Variants in TTLL5 observed in about 807,000 individuals in gnomAD.
TTLL5 encodes the protein tubulin tyrosine ligase like 5, also known as tubulin polyglutamylase TTLL5.
In TTLL5, 132 loss-of-function variants were observed where a neutral mutation model predicts 168.4. The observed-to-expected ratio is 0.78, with a 90% CI of 0.68 to 0.91. TTLL5 has a LOEUF of 0.91. Among genes scored for constraint, TTLL5 ranks in the 40% least tolerant of loss-of-function variants. The pLI is 0.00. For missense variants in TTLL5, 1,545 were observed against 1,581.5 expected, an observed-to-expected ratio of 0.98 and a Z score of 0.39; for synonymous variants, 546 against 558.6, an observed-to-expected ratio of 0.98 and a Z score of 0.32.
intron 28 of TTLL5, among the ~76,000 whole-genome samples, chr14:75,844,084 T>G (rs1387557817): frequency 6.6e-6 from 1 of 151,870 alleles, no homozygotes; most frequent in Non-Finnish European, 1.5e-5. Context: ...GGTTTCACCA[T>G]ATTGGCCAGG....
Position 75,683,633 on chromosome 14 carries a change from A to T in TTLL5, c.348A>T (p.Ala116=). ...TCTTACTGCGCACCCTCTCTGAAGC[A>T]CAAAAAGTTAATCACTTTCCCAGGT... ...KPFLLRTLSE[A]QKVNHFPRSY... Residue 116 remains alanine, a synonymous_variant, in exon 5 of 32, where the codon GCA becomes GCT. Transcript: ENST00000298832. The T allele has an allele frequency of 6.2e-7, 1 of 1,614,016 alleles. No homozygotes were observed. The highest frequency in any genetic ancestry group is 1.3e-5 in the African/African-American group (1 of 75,050).
At position 75,792,975 on chromosome 14, in the gene TTLL5, G is replaced by A; in HGVS notation, c.3046G>A (p.Asp1016Asn). The A allele has an allele frequency of 6.2e-7, 1 of 1,613,222 alleles. No homozygotes were observed. The highest frequency in any genetic ancestry group is 1.1e-5 in the South Asian group (1 of 90,902). ...GIAKTQKEGE[D>N]ASLYSKRYNQ... ...AGCCAAAACACAAAAAGAGGGAGAA[G>A]ATGCTTCTTTATATAGCAAACGGTA... Residue 1016 changes from aspartate (D) to asparagine (N), a missense_variant, in exon 27 of 32, where the codon GAT becomes AAT. Physicochemically the swap from Asp to Asn is conservative, Grantham distance 23 (BLOSUM62 1). Transcript: ENST00000298832.
chr14:75,719,939 T>C, intron 11 of TTLL5, 113 bp downstream of exon 11: 1 of 1,134,462 alleles, frequency 8.8e-7, no homozygotes, highest in Non-Finnish European at 1.3e-6. Flanking sequence ...GACGGGATGA[T>C]TGTCCTTGGT....
At chr14:75,709,664 G>A (rs552524107) in intron 9 of TTLL5, 35 of 159,640 alleles carry the variant, frequency 2.2e-4, no homozygotes, top group Non-Finnish European at 3.8e-4. Flanking sequence ...GTGCTCTCAC[G>A]TTTTGAAGTA....
chr14:75,686,574 A>T (rs1885073752), intron 5 of TTLL5, among the ~76,000 whole-genome samples: 1 of 152,166 alleles, frequency 6.6e-6, no homozygotes, highest in African/African-American at 2.4e-5. Flanking sequence ...CATGTGTTTG[A>T]TTTTCCTGGA....
chr14:75,719,761 A>T lies in TTLL5; in HGVS notation c.869A>T (p.Tyr290Phe), dbSNP rs760341785. The T allele has an allele frequency of 2.4e-5, 38 of 1,612,110 alleles. No individual in the cohort carries two copies. The highest frequency in any genetic ancestry group is 1.0e-4 in the Admixed American group (6 of 59,540). Residue 290 changes from tyrosine (Y) to phenylalanine (F), a missense_variant, in exon 11 of 32, where the codon TAT (tyrosine) becomes TTT (phenylalanine). Coordinates refer to ENST00000298832, the MANE Select transcript of TTLL5 (RefSeq NM_015072.5). Reference protein sequence around the residue: ...VSCDDPEVEDYGNKWSMSAML... With the variant: ...VSCDDPEVEDFGNKWSMSAML... ...TGTGACGATCCAGAAGTGGAGGATT[A>T]TGGAAACAAATGGAGCATGAGTGCT... is the stretch of plus-strand genomic sequence containing the variant.
intron 30 of TTLL5, among the ~76,000 whole-genome samples, chr14:75,883,851 G>C (rs2031951120): frequency 6.6e-6 from 1 of 152,208 alleles, no homozygotes; most frequent in South Asian, 2.1e-4. Context: ...TAGGAAGGCT[G>C]CAGTTTGTGG....
At chr14:75,737,426 A>C (rs1206960860) in intron 15 of TTLL5, 2 of 728,598 alleles carry the variant, frequency 2.7e-6, no homozygotes, top group Non-Finnish European at 4.3e-6. Flanking sequence ...TAACCTTCCA[A>C]CCACAAAGTG....
chr14:75,714,209 C>T (rs1178708340), intron 9 of TTLL5, among the ~76,000 whole-genome samples: 4 of 152,104 alleles, frequency 2.6e-5, no homozygotes, highest in African/African-American at 9.7e-5. Context: ...GATACTAATT[C>T]TTGTCATTGC....
At chr14:75,869,044 GTGTGTGTGTGTGTGTGTGTT>G (rs2030788456) in intron 29 of TTLL5, among the ~76,000 whole-genome samples, 1 of 151,276 alleles carries the variant, frequency 6.6e-6, no homozygotes, top group African/African-American at 2.4e-5. Context: ...GTGTGTGTGT[GTGTGTGTGTGTGTGTGTGTT>G]TAAGTTCCAG....
intron 30 of TTLL5, among the ~76,000 whole-genome samples, chr14:75,899,977 A>G (rs1566651836): frequency 6.8e-6 from 1 of 147,048 alleles, no homozygotes; most frequent in Non-Finnish European, 1.5e-5. Flanking sequence ...ATACTTTGTG[A>G]AATTGAGACC....
intron 18 of TTLL5, among the ~76,000 whole-genome samples, chr14:75,754,522 T>C (rs902890196): frequency 9.2e-5 from 14 of 152,192 alleles, no homozygotes; most frequent in Non-Finnish European, 2.9e-5. Context: ...TACTTGAATT[T>C]CCCAGGAAGG....
intron 26 of TTLL5, among the ~76,000 whole-genome samples, chr14:75,791,220 C>T (rs1040572207): frequency 3.3e-5 from 5 of 151,772 alleles, no homozygotes; most frequent in East Asian, 3.9e-4. Flanking sequence ...CTTTTCTATA[C>T]GTGTGCCAGC....
In TTLL5 at chr14:75,866,310, C is replaced by T. The variant is rs192559953; in HGVS notation, c.3522+2448C>T. ...ATTCTCAGTATTCTGTATTTCTGTC[C>T]TGGGGTTACCCTTTAGATAGCAATG... is the stretch of plus-strand genomic sequence containing the variant. On this transcript the variant is annotated intron_variant, in intron 29 of 31. Coordinates refer to ENST00000298832, the MANE Select transcript of TTLL5 (RefSeq NM_015072.5). 1.5e-3 allele frequency among the ~76,000 whole-genome samples: 230 copies of T among 152,236 alleles called. 5 individuals are homozygous for T. Among genetic ancestry groups the T allele is most frequent in the African/African-American group, 5.1e-3 (213 of 41,560 alleles).
rs143148052 is a variant in TTLL5, at chr14:75,842,828, GATA to G, written c.3327-20833_3327-20831del. ...TGTAAACCCAGCGGCTTTTCAAAGT[GATA>G]ATAATCAAGGGCTGACAGCACAGGA... is the stretch of plus-strand genomic sequence containing the variant. On this transcript the variant is annotated intron_variant, in intron 28 of 31. Coordinates refer to ENST00000298832, the MANE Select transcript of TTLL5 (RefSeq NM_015072.5). Among the ~76,000 whole-genome samples, 1,280 of 152,282 alleles carry G rather than the reference GATA, an allele frequency of 8.4e-3. 18 individuals carry two copies. Among genetic ancestry groups the G allele is most frequent in the African/African-American group, 0.029 (1,206 of 41,554 alleles).
intron 29 of TTLL5, among the ~76,000 whole-genome samples, chr14:75,867,174 A>G (rs1050167272): frequency 2.6e-5 from 4 of 152,228 alleles, no homozygotes; most frequent in African/African-American, 9.6e-5. Flanking sequence ...AACAATATGT[A>G]AATGAATGAG....
intron 31 of TTLL5, among the ~76,000 whole-genome samples, chr14:75,921,419 A>G (rs2033820063): frequency 1.3e-5 from 2 of 152,184 alleles, no homozygotes; most frequent in African/African-American, 4.8e-5. Flanking sequence ...TAAGGAAGGG[A>G]TCCAATTTCA....
chr14:75,737,883 A>G (rs778319761), intron 15 of TTLL5, among the ~76,000 whole-genome samples: 3 of 152,196 alleles, frequency 2.0e-5, no homozygotes, highest in Non-Finnish European at 1.5e-5. Flanking sequence ...GCTTGAAGGC[A>G]TATCTATCAC....
intron 29 of TTLL5, among the ~76,000 whole-genome samples, chr14:75,871,905 A>G (rs2031066760): frequency 6.6e-6 from 1 of 152,270 alleles, no homozygotes; most frequent in East Asian, 1.9e-4. Context: ...TTAGATGTTT[A>G]TAACCTCAAA....
Sources: gnomAD v4.1 joint callset for allele counts (sites outside exome capture counted in the v4.1 genomes callset) on GRCh38, gnomAD v4.1.1 for gene constraint, MANE v1.5 for transcripts, NCBI Gene and HGNC (gene_info 2026-07-23, HGNC 2026-07-21) for gene names.